The following GALNTL6 variants were observed in gnomAD, a reference collection of about 807,000 sequenced individuals.
GALNTL6 encodes the protein polypeptide N-acetylgalactosaminyltransferase like 6.
GALNTL6 carries 46 observed loss-of-function variants against 73.7 expected under a neutral mutation model. The ratio of observed to expected loss-of-function variants is 0.62; its 90% CI spans 0.49 to 0.80. The LOEUF is 0.80. GALNTL6 is among the 30% of genes least tolerant of loss of function. The pLI is 0.00. For missense variants in GALNTL6, 604 were observed against 755.0 expected, an observed-to-expected ratio of 0.80 and a Z score of 2.34; for synonymous variants, 259 against 263.7, an observed-to-expected ratio of 0.98 and a Z score of 0.17.
At chr4:172,831,454 A>C (rs1390083937) in intron 7 of GALNTL6, among the ~76,000 whole-genome samples, 4 of 152,164 alleles carry the variant, frequency 2.6e-5, no homozygotes, top group Non-Finnish European at 5.9e-5. Context: ...AAAATTGGAG[A>C]GGGGCGTCAA....
chr4:172,909,134 G>A lies in GALNTL6; in HGVS notation c.1042-22027G>A, dbSNP rs189367738. On this transcript the variant is annotated intron_variant, in intron 8 of 12. Coordinates refer to ENST00000506823, the MANE Select transcript of GALNTL6 (RefSeq NM_001034845.3). ...AGACGGAGACAATAGTTTCCTCAGC[G>A]ATAGTACAGAACAACTACCCATTTT... Among the ~76,000 whole-genome samples the A allele has an allele frequency of 3.4e-3, 516 of 151,570 alleles. 4 individuals are homozygous for A. Among genetic ancestry groups the A allele is most frequent in the Non-Finnish European group, 3.0e-3 (206 of 67,784 alleles).
intron 10 of GALNTL6, among the ~76,000 whole-genome samples, chr4:173,006,414 G>A (rs1267007731): frequency 2.0e-5 from 3 of 152,122 alleles, no homozygotes; most frequent in African/African-American, 7.2e-5. Context: ...ACTCAGATAA[G>A]GAGATCAAAT....
chr4:172,456,586 A>G (rs1405807992), intron 5 of GALNTL6, among the ~76,000 whole-genome samples: 2 of 151,806 alleles, frequency 1.3e-5, no homozygotes, highest in East Asian at 2.0e-4. Flanking sequence ...TCGATCAAGC[A>G]GAAGAAAGGA....
intron 4 of GALNTL6, among the ~76,000 whole-genome samples, chr4:172,316,267 GAT>G (rs1397951685): frequency 1.3e-5 from 2 of 152,086 alleles, no homozygotes; most frequent in African/African-American, 4.8e-5. Context: ...ATGCATCTTT[GAT>G]ATGAGTTTCA....
intron 2 of GALNTL6, among the ~76,000 whole-genome samples, chr4:172,152,955 ATTACTTGGAG>A (rs985442471): frequency 1.3e-5 from 2 of 152,198 alleles, no homozygotes; most frequent in African/African-American, 2.4e-5. Context: ...CAGTCAAATG[ATTACTTGGAG>A]CAAGGATAAA....
At chr4:172,990,113 C>T (rs1021469466) in intron 10 of GALNTL6, among the ~76,000 whole-genome samples, 3 of 152,214 alleles carry the variant, frequency 2.0e-5, no homozygotes, top group African/African-American at 7.2e-5. Context: ...TATAAGTCAA[C>T]TTTGATTCCT....
At chr4:172,575,762 T>C (rs1222835520) in intron 5 of GALNTL6, among the ~76,000 whole-genome samples, 1 of 152,218 alleles carries the variant, frequency 6.6e-6, no homozygotes, top group Non-Finnish European at 1.5e-5. Flanking sequence ...ATTACAGTTT[T>C]TTAAGTGTTA....
chr4:172,206,250 T>C lies in GALNTL6; in HGVS notation c.139-23406T>C, dbSNP rs954806815. ...TCCCCATAAGAATAGTTGTATTTAT[T>C]CAGCTCATCAACAATGATGATCTGA... is the stretch of plus-strand genomic sequence containing the variant. On this transcript the variant is annotated intron_variant, in intron 2 of 12. Transcript: ENST00000506823. Among the ~76,000 whole-genome samples, 3 of 152,180 alleles carry C rather than the reference T, an allele frequency of 2.0e-5. No homozygotes were observed. In the East Asian group the frequency reaches 5.8e-4, roughly 29 times the overall value.
intron 5 of GALNTL6, among the ~76,000 whole-genome samples, chr4:172,566,733 T>G (rs1736567945): frequency 6.6e-6 from 1 of 150,982 alleles, no homozygotes; most frequent in Non-Finnish European, 1.5e-5. Flanking sequence ...AAAAAATAAA[T>G]GGAACTAAAA....
At chr4:172,062,091 A>G (rs537810095) in intron 2 of GALNTL6, among the ~76,000 whole-genome samples, 56 of 151,640 alleles carry the variant, frequency 3.7e-4, no homozygotes, top group Admixed American at 1.1e-3. Flanking sequence ...CTGGGACTAC[A>G]GGTGCACACC....
chr4:172,691,795 C>T (rs550939495), intron 5 of GALNTL6, among the ~76,000 whole-genome samples: 11 of 152,232 alleles, frequency 7.2e-5, no homozygotes, highest in Non-Finnish European at 1.0e-4. Context: ...GTCTCTCATA[C>T]TCTATGATAT....
intron 9 of GALNTL6, among the ~76,000 whole-genome samples, chr4:172,933,005 C>A (rs1748429700): frequency 6.6e-6 from 1 of 152,010 alleles, no homozygotes; most frequent in African/African-American, 2.4e-5. Flanking sequence ...AAAGCAGTCA[C>A]AAAATCATAA....
At chr4:171,878,883 G>A (rs1016318298) in intron 2 of GALNTL6, among the ~76,000 whole-genome samples, 2 of 152,108 alleles carry the variant, frequency 1.3e-5, no homozygotes, top group African/African-American at 4.8e-5. Context: ...GTTTAAAAGT[G>A]TGTGGCACCT....
chr4:172,692,632 G>A (rs1002276121), intron 5 of GALNTL6, among the ~76,000 whole-genome samples: 1 of 151,750 alleles, frequency 6.6e-6, no homozygotes, highest in African/African-American at 2.4e-5. Flanking sequence ...TTTCTTTTAT[G>A]AATTACCTTT....
At chr4:172,922,337 C>T (rs1408178254) in intron 8 of GALNTL6, among the ~76,000 whole-genome samples, 1 of 152,026 alleles carries the variant, frequency 6.6e-6, no homozygotes, top group Admixed American at 6.5e-5. Flanking sequence ...CATCATACTA[C>T]CAAAAATTTC....
intron 2 of GALNTL6, among the ~76,000 whole-genome samples, chr4:171,975,496 C>T (rs1219172443): frequency 6.6e-6 from 1 of 150,662 alleles, no homozygotes; most frequent in Non-Finnish European, 1.5e-5. Flanking sequence ...CAGTATATAA[C>T]ATGGTGAATC....
chr4:171,875,470 T>A (rs1736249907), intron 2 of GALNTL6, among the ~76,000 whole-genome samples: 1 of 152,136 alleles, frequency 6.6e-6, no homozygotes, highest in Non-Finnish European at 1.5e-5. Flanking sequence ...CTGTGGGACT[T>A]CCCCTTACTG....
At position 172,623,453 on chromosome 4, in the gene GALNTL6, A is replaced by G. The variant is rs114587664; in HGVS notation, c.554-185908A>G. Among the ~76,000 whole-genome samples the G allele has an allele frequency of 3.2e-3, 485 of 152,224 alleles. 3 individuals carry two copies. The highest frequency in any genetic ancestry group is 0.011 in the African/African-American group (451 of 41,562). On this transcript the variant is annotated intron_variant, in intron 5 of 12. Transcript: ENST00000506823. The stretch of plus-strand genomic sequence containing the variant: ...AGGAGGAAAAGATGGATAATGAGAT[A>G]AGATAAAATAGAAACTATCCAAAAG...
intron 2 of GALNTL6, among the ~76,000 whole-genome samples, chr4:172,121,340 T>C (rs566458716): frequency 6.6e-6 from 1 of 151,714 alleles, no homozygotes; most frequent in East Asian, 2.0e-4. Context: ...TTTTGCAGTC[T>C]TCTGTGATAG....
Sources: allele counts gnomAD v4.1 joint callset (sites outside exome capture counted in the v4.1 genomes callset), GRCh38; gene constraint gnomAD v4.1.1; transcripts MANE v1.5; gene names NCBI Gene and HGNC (gene_info 2026-07-23, HGNC 2026-07-21).